Variants in CIB4 observed in about 807,000 individuals in gnomAD.
The protein encoded by CIB4 is calcium and integrin-binding family member 4.
Under a neutral mutation model 25.8 loss-of-function variants are expected in CIB4, and 25 were observed. The observed-to-expected ratio is 0.97, with a 90% CI of 0.71 to 1.35. CIB4 has a LOEUF of 1.35. Among genes scored for constraint, CIB4 ranks in the 40% most tolerant of loss-of-function variants. The pLI is 0.00. For synonymous variants in CIB4, 75 were observed against 81.4 expected (o/e 0.92, Z 0.42); for missense variants, 235 against 228.2 (o/e 1.03, Z -0.19).
chr2:26,592,323 G>T (rs1232239047), intron 4 of CIB4, among the ~76,000 whole-genome samples: 1 of 152,224 alleles, frequency 6.6e-6, no homozygotes, highest in Admixed American at 6.5e-5. Flanking sequence ...CGGCTAGAGG[G>T]CTCCAACTCC....
In CIB4 at chr2:26,583,776, C is replaced by A; in HGVS notation, c.438+13G>T. ...CCGGCCCCAGCCACCAACTCCCAGC[C>A]CCCAGCACACACGTGGTTCGTGAGG... On this transcript the variant is annotated intron_variant, in intron 5 of 6. Coordinates refer to ENST00000288861, the MANE Select transcript of CIB4 (RefSeq NM_001029881.3). 3.2e-6 allele frequency: 5 copies of A among 1,562,376 alleles called. No individual in the cohort carries two copies. The highest frequency in any genetic ancestry group is 4.4e-6 in the Non-Finnish European group (5 of 1,134,302).
intron 2 of CIB4, among the ~76,000 whole-genome samples, chr2:26,632,077 T>C (rs1054971463): frequency 1.3e-5 from 2 of 152,222 alleles, no homozygotes; most frequent in African/African-American, 4.8e-5. Flanking sequence ...GGATCCTATT[T>C]CTCTACCTCT....
chr2:26,594,103 C>T (rs914205488), intron 4 of CIB4, among the ~76,000 whole-genome samples: 3 of 152,194 alleles, frequency 2.0e-5, no homozygotes, highest in South Asian at 2.1e-4. Context: ...CATCCACTAC[C>T]GTTTCCTTCT....
chr2:26,637,407 T>C (rs1305480328), intron 2 of CIB4, among the ~76,000 whole-genome samples: 1 of 152,140 alleles, frequency 6.6e-6, no homozygotes, highest in Non-Finnish European at 1.5e-5. Flanking sequence ...GCTTGTGTTC[T>C]CTTTGTCCTT....
intron 3 of CIB4, among the ~76,000 whole-genome samples, chr2:26,596,952 G>T (rs886568759): frequency 6.6e-6 from 1 of 152,184 alleles, no homozygotes; most frequent in Admixed American, 6.5e-5. Context: ...ATGATGACAA[G>T]TAGCTATTGG....
At chr2:26,603,175 C>T (rs1193301056) in intron 3 of CIB4, among the ~76,000 whole-genome samples, 1 of 152,140 alleles carries the variant, frequency 6.6e-6, no homozygotes, top group Middle Eastern at 3.2e-3. Flanking sequence ...AACACCTGGT[C>T]TGTGCTCTCC....
At position 26,629,508 on chromosome 2, in the gene CIB4, T is replaced by C; in HGVS notation, c.90-2A>G. The C allele has an allele frequency of 6.4e-7, 1 of 1,560,838 alleles. No homozygotes were observed. Among genetic ancestry groups the C allele is most frequent in the Non-Finnish European group, 8.7e-7 (1 of 1,149,332 alleles). On this transcript the variant is annotated splice_acceptor_variant, in intron 2 of 6. Transcript: ENST00000288861. LOFTEE classifies it high-confidence loss of function. ...AGCTTCAGGAAGGTGTCATGGATGC[T>C]GAAAAGAGAGGCATGAAGACCGTGT...
intron 3 of CIB4, among the ~76,000 whole-genome samples, chr2:26,603,945 A>C (rs1668840727): frequency 6.6e-6 from 1 of 150,618 alleles, no homozygotes; most frequent in Admixed American, 6.6e-5. Context: ...AGAGATTGCA[A>C]TGAGCCAAGA....
chr2:26,592,642 C>T (rs1374023076), intron 4 of CIB4, among the ~76,000 whole-genome samples: 3 of 152,078 alleles, frequency 2.0e-5, no homozygotes, highest in Non-Finnish European at 4.4e-5. Flanking sequence ...TCCCCTTTCC[C>T]TTGAATAATT....
chr2:26,594,419 G>A (rs1048605669), intron 4 of CIB4, among the ~76,000 whole-genome samples: 1 of 152,200 alleles, frequency 6.6e-6, no homozygotes, highest in Non-Finnish European at 1.5e-5. Context: ...ACTTGGGTGA[G>A]GCAGAAATGA....
At chr2:26,584,161 T>C (rs956934802) in intron 4 of CIB4, among the ~76,000 whole-genome samples, 22 of 152,174 alleles carry the variant, frequency 1.4e-4, no homozygotes, top group African/African-American at 4.6e-4. Flanking sequence ...CATTGAATCT[T>C]CACAATCAAC....
At chr2:26,602,115 C>T (rs1183531776) in intron 3 of CIB4, among the ~76,000 whole-genome samples, 1 of 152,130 alleles carries the variant, frequency 6.6e-6, no homozygotes, top group Non-Finnish European at 1.5e-5. Context: ...GTGAACTTTA[C>T]TGGATGCAAA....
At chr2:26,623,101 T>C (rs1320557144) in intron 3 of CIB4, among the ~76,000 whole-genome samples, 1 of 152,036 alleles carries the variant, frequency 6.6e-6, no homozygotes, top group Non-Finnish European at 1.5e-5. Context: ...CCCAGCACTT[T>C]GGGAGGCTGA....
chr2:26,632,478 C>T (rs992471623), intron 2 of CIB4, among the ~76,000 whole-genome samples: 8 of 152,046 alleles, frequency 5.3e-5, no homozygotes, highest in African/African-American at 1.7e-4. Flanking sequence ...AGGGGTAGGC[C>T]GGGTGCAGTG....
intron 3 of CIB4, among the ~76,000 whole-genome samples, chr2:26,628,942 G>A (rs1183606935): frequency 1.3e-5 from 2 of 152,210 alleles, no homozygotes; most frequent in Non-Finnish European, 2.9e-5. Context: ...AGACAGCAGA[G>A]GAAACTGGCT....
At chr2:26,596,974 C>T (rs1274680079) in intron 3 of CIB4, among the ~76,000 whole-genome samples, 1 of 152,180 alleles carries the variant, frequency 6.6e-6, no homozygotes, top group East Asian at 1.9e-4. Context: ...AGTGTGCTAC[C>T]TAGCAAATAT....
intron 6 of CIB4, 142 bp from the exon 7 acceptor site, chr2:26,581,535 A>G (rs998366965): frequency 1.3e-6 from 1 of 783,574 alleles, no homozygotes. Flanking sequence ...CTTTGCAGCC[A>G]TCCCAAAGCA....
At chr2:26,589,948 A>G (rs1422790250) in intron 4 of CIB4, among the ~76,000 whole-genome samples, 1 of 152,174 alleles carries the variant, frequency 6.6e-6, no homozygotes, top group African/African-American at 2.4e-5. Flanking sequence ...TGTTGTGACT[A>G]TGAGGATAAT....
At chr2:26,610,261 C>G (rs1391521038) in intron 3 of CIB4, among the ~76,000 whole-genome samples, 1 of 152,186 alleles carries the variant, frequency 6.6e-6, no homozygotes, top group Non-Finnish European at 1.5e-5. Flanking sequence ...CCTCTTTTAT[C>G]AAACACATCT....
Sources: allele counts gnomAD v4.1 joint callset (sites outside exome capture counted in the v4.1 genomes callset), GRCh38; gene constraint gnomAD v4.1.1; transcripts MANE v1.5; gene names NCBI Gene and HGNC (gene_info 2026-07-23, HGNC 2026-07-21).